DPYSL5: variants seen among roughly 807,000 people sequenced by gnomAD.
The protein encoded by DPYSL5 is dihydropyrimidinase like 5.
In DPYSL5, 9 loss-of-function variants were observed where a neutral mutation model predicts 58.4. The observed-to-expected ratio is 0.15, with a 90% CI of 0.09 to 0.27. The LOEUF (loss-of-function observed/expected upper bound fraction) is 0.27. Among genes scored for constraint, DPYSL5 ranks in the 10% least tolerant of loss-of-function variants. The pLI is 1.00. For missense variants in DPYSL5, 499 were observed against 770.6 expected (o/e 0.65, Z 4.17); for synonymous variants, 293 against 301.9 (o/e 0.97, Z 0.31).
In DPYSL5 at chr2:26,933,892, G is replaced by A. The variant is rs1189068044; in HGVS notation, c.790+559G>A. Reference sequence around the variant, plus strand: ...CCAGCCCCGCCCCAGGTGCTGGTGAGGGCCTGGCAGCAGGAGAAACAAAGT... The same window carrying A: ...CCAGCCCCGCCCCAGGTGCTGGTGAAGGCCTGGCAGCAGGAGAAACAAAGT... On this transcript the variant is annotated intron_variant, in intron 7 of 12. Transcript: ENST00000288699. This position sits in a 1 kb window ranked among gnomAD's most constrained non-coding sequence, Gnocchi z 4.2. Among the ~76,000 whole-genome samples, 2 of 152,140 alleles carry A rather than the reference G, an allele frequency of 1.3e-5. No homozygotes were observed. Among genetic ancestry groups the A allele is most frequent in the Non-Finnish European group, 2.9e-5 (2 of 68,016 alleles).
intron 1 of DPYSL5, among the ~76,000 whole-genome samples, chr2:26,867,517 G>A (rs1242697418): frequency 1.3e-5 from 2 of 149,156 alleles, no homozygotes; most frequent in East Asian, 2.0e-4. Context: ...GTGCGGTGGC[G>A]GGATCTCGGC....
chr2:26,936,945 T>TAAAAAAAAAAA lies in DPYSL5; in HGVS notation c.947+2217_947+2227dup, dbSNP rs55795892. Among the ~76,000 whole-genome samples, 63 of 77,884 alleles carry TAAAAAAAAAAA rather than the reference T, an allele frequency of 8.1e-4. 2 individuals carry two copies. Among genetic ancestry groups the TAAAAAAAAAAA allele is most frequent in the African/African-American group, 2.4e-3 (48 of 20,088 alleles). 51.1% of individuals were successfully genotyped at this position (77,884 alleles called of 152,430 possible). A position where few individuals can be genotyped will look rare whatever the true frequency, so the allele number is the denominator to read the frequency against. On this transcript the variant is annotated intron_variant, in intron 8 of 12. Transcript: ENST00000288699. ...TGGGCAACAAGAGCAAGACTTCATT[T>TAAAAAAAAAAA]AAAAAAAAAAAAAAAAGCTTGTTTT...
rs760431728 is a variant in DPYSL5, at chr2:26,940,100, A to G, written c.1017A>G (p.Glu339=). ...CAAAGCAGAAAGCTATGGGCAAGGA[A>G]GACTTCACCAAGATCCCACATGGAG... ...FTTKQKAMGK[E]DFTKIPHGVS... The change falls in exon 9 of 13, where the codon GAA becomes GAG. Residue 339 remains glutamate, a synonymous_variant. Transcript: ENST00000288699. 46 of 1,614,104 alleles carry G rather than the reference A, an allele frequency of 2.8e-5. No homozygotes were observed. The highest frequency in any genetic ancestry group is 3.8e-5 in the Non-Finnish European group (45 of 1,180,050).
In DPYSL5 at chr2:26,933,989, C is replaced by T. The variant is rs1371037354; in HGVS notation, c.791-589C>T. 6.6e-6 allele frequency among the ~76,000 whole-genome samples: 1 copy of T among 152,108 alleles called. No homozygotes were observed. The highest frequency in any genetic ancestry group is 1.5e-5 in the Non-Finnish European group (1 of 68,020). On this transcript the variant is annotated intron_variant, in intron 7 of 12. Coordinates refer to ENST00000288699, the MANE Select transcript of DPYSL5 (RefSeq NM_020134.4). The surrounding 1 kb of genome is among the most constrained non-coding windows in gnomAD (Gnocchi z 4.2). The stretch of plus-strand genomic sequence containing the variant: ...GCCTTCAACTATAATCGATCAGAAG[C>T]AAGGGCATCCTGGCCTTCAACTCTA...
chr2:26,898,844 A>C lies in DPYSL5; in HGVS notation c.261+84A>C. On this transcript the variant is annotated intron_variant, in intron 2 of 12. Transcript: ENST00000288699. The surrounding 1 kb of genome is among the most constrained non-coding windows in gnomAD (Gnocchi z 6.1). Reference sequence around the variant, plus strand: ...GGCTGCTCCAGACTAGACTCATGTGAGCCAGGTGCTCCCAGTGTATTGCTG... The same window carrying C: ...GGCTGCTCCAGACTAGACTCATGTGCGCCAGGTGCTCCCAGTGTATTGCTG... 1 of 1,493,062 alleles carries C rather than the reference A, an allele frequency of 6.7e-7. No individual in the cohort carries two copies. Among genetic ancestry groups the C allele is most frequent in the Non-Finnish European group, 9.0e-7 (1 of 1,110,474 alleles). The allele number at this position is 1,493,062 out of a possible 1,614,324, so 92.5% of individuals were successfully genotyped here.
intron 2 of DPYSL5, among the ~76,000 whole-genome samples, chr2:26,913,841 A>G: frequency 6.6e-6 from 1 of 152,100 alleles, no homozygotes; most frequent in South Asian, 2.1e-4. Context: ...TCCAGGGCTT[A>G]AAGGAAATGT....
At chr2:26,928,704 TACACAC>T (rs1553320464) in intron 5 of DPYSL5, among the ~76,000 whole-genome samples, 23 of 62,952 alleles carry the variant, frequency 3.7e-4, no homozygotes, top group Non-Finnish European at 5.3e-4. Context: ...TATATATATA[TACACAC>T]ACACACATAC....
rs144309312 is a variant in DPYSL5, at chr2:26,869,872, G to T, written c.-5+21618G>T. On this transcript the variant is annotated intron_variant, in intron 1 of 12. Coordinates refer to ENST00000288699, the MANE Select transcript of DPYSL5 (RefSeq NM_020134.4). Reference sequence around the variant, plus strand: ...TAAAAATACAAAAAATCAGCCGGGCGTGGTCACAGGCGCCTGTAGTCCCAG... The same window carrying T: ...TAAAAATACAAAAAATCAGCCGGGCTTGGTCACAGGCGCCTGTAGTCCCAG... Among the ~76,000 whole-genome samples the T allele has an allele frequency of 2.8e-3, 423 of 152,242 alleles. 4 individuals carry two copies. Among genetic ancestry groups the T allele is most frequent in the African/African-American group, 9.5e-3 (395 of 41,542 alleles).
intron 1 of DPYSL5, among the ~76,000 whole-genome samples, chr2:26,855,302 G>A (rs895800487): frequency 2.6e-5 from 4 of 152,020 alleles, no homozygotes; most frequent in Admixed American, 1.3e-4. Context: ...GGTGGCAGGT[G>A]CCTGTAGTCC....
chr2:26,947,043 C>T lies in DPYSL5; in HGVS notation c.*48C>T, dbSNP rs562763761. 65 of 1,480,620 alleles carry T rather than the reference C, an allele frequency of 4.4e-5. No homozygotes were observed. The African/African-American group carries it at 7.3e-4, about 17-fold the overall frequency. 91.7% of individuals were successfully genotyped at this position (1,480,620 alleles called of 1,614,324 possible). On this transcript the variant is annotated 3_prime_UTR_variant, in exon 13 of 13. Coordinates refer to ENST00000288699, the MANE Select transcript of DPYSL5 (RefSeq NM_020134.4). This position sits in a 1 kb window ranked among gnomAD's most constrained non-coding sequence, Gnocchi z 4.2. ...TGAGGACGCACCGCCGCCACCAGCCCGCAACTCTCCAGCCGAAGCTGCAGG... is the reference window on the plus strand; with the variant it reads ...TGAGGACGCACCGCCGCCACCAGCCTGCAACTCTCCAGCCGAAGCTGCAGG...
chr2:26,946,460 C>T (rs1056320029), intron 12 of DPYSL5, among the ~76,000 whole-genome samples: 1 of 151,474 alleles, frequency 6.6e-6, no homozygotes, highest in Non-Finnish European at 1.5e-5. Flanking sequence ...CCCTTTGTAA[C>T]TAAGTCATGG....
rs1196853451 is a variant in DPYSL5 at position 26,848,191 on chromosome 2, G to C, written c.-68G>C. ...CGCCGCCCCGAGCACCCGCAGCTCC[G>C]GCGCCGCGGCGAGACGGAGACGGAC... On this transcript the variant is annotated 5_prime_UTR_variant, in exon 1 of 13. Coordinates refer to ENST00000288699, the MANE Select transcript of DPYSL5 (RefSeq NM_020134.4). The C allele has an allele frequency of 6.6e-6, 1 of 151,786 alleles. No homozygotes were observed. The highest frequency in any genetic ancestry group is 2.0e-4 in the East Asian group (1 of 5,124). The allele number at this position is 151,786 out of a possible 1,614,324, so 9.4% of individuals were successfully genotyped here. A position where few individuals can be genotyped will look rare whatever the true frequency, so the allele number is the denominator to read the frequency against.
intron 2 of DPYSL5, among the ~76,000 whole-genome samples, chr2:26,922,768 C>A (rs1328163062): frequency 6.6e-6 from 1 of 152,230 alleles, no homozygotes; most frequent in Non-Finnish European, 1.5e-5. Context: ...GATGAATCAG[C>A]CTGGCACGAT....
intron 1 of DPYSL5, among the ~76,000 whole-genome samples, chr2:26,880,290 T>G (rs1663523959): frequency 6.6e-6 from 1 of 152,228 alleles, no homozygotes; most frequent in Non-Finnish European, 1.5e-5. Flanking sequence ...CTTCCTTTTC[T>G]GTTCTGTGGG....
chr2:26,926,666 A>G (rs1664836061), intron 3 of DPYSL5, among the ~76,000 whole-genome samples: 3 of 152,278 alleles, frequency 2.0e-5, no homozygotes, highest in Admixed American at 6.5e-5. Context: ...CTATTTTGCC[A>G]TGAAGTTCAT....
At chr2:26,884,103 A>G (rs1161613760) in intron 1 of DPYSL5, among the ~76,000 whole-genome samples, 1 of 152,144 alleles carries the variant, frequency 6.6e-6, no homozygotes, top group Non-Finnish European at 1.5e-5. Flanking sequence ...GGGCCTGGAG[A>G]CAGCTGGCAA....
rs1163286231 is a variant in DPYSL5 at position 26,905,346 on chromosome 2, C to T, written c.261+6586C>T. Among the ~76,000 whole-genome samples the T allele has an allele frequency of 2.0e-5, 3 of 152,200 alleles. No homozygotes were observed. The highest frequency in any genetic ancestry group is 2.9e-5 in the Non-Finnish European group (2 of 68,036). On this transcript the variant is annotated intron_variant, in intron 2 of 12. Transcript: ENST00000288699. This position sits in a 1 kb window ranked among gnomAD's most constrained non-coding sequence, Gnocchi z 4.0. The stretch of plus-strand genomic sequence containing the variant: ...TAGTCCCTGTCACAGAATACATATA[C>T]AATAAATGCTAGTCCCCAGGCTGGG...
chr2:26,868,540 T>C (rs1476553233), intron 1 of DPYSL5, among the ~76,000 whole-genome samples: 1 of 152,222 alleles, frequency 6.6e-6, no homozygotes, highest in Non-Finnish European at 1.5e-5. Context: ...GCCAATTTAA[T>C]TTTCTTCCAG....
chr2:26,932,416 C>T (rs1043352854), intron 6 of DPYSL5, among the ~76,000 whole-genome samples: 4 of 152,196 alleles, frequency 2.6e-5, no homozygotes, highest in African/African-American at 9.7e-5. Flanking sequence ...TCATTGCTCA[C>T]GTGTAAACTC....
Sources: gnomAD v4.1 joint callset for allele counts (sites outside exome capture counted in the v4.1 genomes callset) on GRCh38, gnomAD v4.1.1 for gene constraint, Gnocchi (gnomAD v3.1) non-coding constraint, MANE v1.5 for transcripts, NCBI Gene and HGNC (gene_info 2026-07-23, HGNC 2026-07-21) for gene names.